The following MBNL2 variants were observed in gnomAD, a reference collection of about 807,000 sequenced individuals.
The protein encoded by MBNL2 is muscleblind like splicing regulator 2.
In MBNL2, 17 loss-of-function variants were observed where a neutral mutation model predicts 41.9. That is an observed-to-expected ratio of 0.41 (90% CI 0.28 to 0.61). MBNL2 has a LOEUF of 0.61. Ranked by LOEUF, MBNL2 falls within the 20% of genes least tolerant of loss-of-function variation. MBNL2 has a pLI of 0.35. For missense variants in MBNL2, 336 were observed against 505.6 expected, an observed-to-expected ratio of 0.66 and a Z score of 3.22; for synonymous variants, 195 against 182.9, an observed-to-expected ratio of 1.07 and a Z score of -0.53.
intron 2 of MBNL2, among the ~76,000 whole-genome samples, chr13:97,292,177 G>A (rs1397020883): frequency 2.1e-5 from 3 of 144,354 alleles, no homozygotes; most frequent in South Asian, 2.2e-4. Flanking sequence ...CTCCAGCCTG[G>A]GCAACAGAGC....
intron 5 of MBNL2, among the ~76,000 whole-genome samples, chr13:97,347,801 C>T (rs376343129): frequency 2.0e-5 from 3 of 152,154 alleles, no homozygotes; most frequent in African/African-American, 7.2e-5. Context: ...CCTTAGAGAC[C>T]AGATGCACCA....
At chr13:97,385,247 C>T (rs780528305) in intron 8 of MBNL2, among the ~76,000 whole-genome samples, 2 of 152,164 alleles carry the variant, frequency 1.3e-5, no homozygotes, top group Non-Finnish European at 2.9e-5. Flanking sequence ...CCTTAAAGAG[C>T]TTGGTTTGGC....
chr13:97,248,713 C>T (rs887964407), intron 1 of MBNL2, among the ~76,000 whole-genome samples: 1 of 151,934 alleles, frequency 6.6e-6, no homozygotes, highest in African/African-American at 2.4e-5. Context: ...TTTTAGAATC[C>T]TCTCTTTCTT....
chr13:97,353,812 AACAAG>A (rs553092283), intron 5 of MBNL2, among the ~76,000 whole-genome samples: 1 of 152,166 alleles, frequency 6.6e-6, no homozygotes, highest in Non-Finnish European at 1.5e-5. Context: ...TGCAAAAGGA[AACAAG>A]ACAAGCTGCC....
chr13:97,244,241 C>A (rs1040438875), intron 1 of MBNL2, among the ~76,000 whole-genome samples: 1 of 152,106 alleles, frequency 6.6e-6, no homozygotes, highest in Non-Finnish European at 1.5e-5. Context: ...TTTAAGAAAC[C>A]TGCTAGTGAA....
At chr13:97,357,046 C>T (rs886455207) in intron 6 of MBNL2, among the ~76,000 whole-genome samples, 197 bp downstream of exon 6, 6 of 152,070 alleles carry the variant, frequency 3.9e-5, no homozygotes, top group Non-Finnish European at 8.8e-5. Flanking sequence ...AATACCTTTT[C>T]CAAAAGAGTG....
At chr13:97,279,454 C>G (rs573506990) in intron 2 of MBNL2, among the ~76,000 whole-genome samples, 1 of 152,190 alleles carries the variant, frequency 6.6e-6, no homozygotes, top group Non-Finnish European at 1.5e-5. Context: ...TCTTTCCCTT[C>G]ATAATAAAGT....
intron 2 of MBNL2, among the ~76,000 whole-genome samples, chr13:97,324,345 G>A (rs985006820): frequency 6.6e-6 from 1 of 152,166 alleles, no homozygotes; most frequent in Non-Finnish European, 1.5e-5. Flanking sequence ...TGCACCCGTC[G>A]TATGAGGTTT....
chr13:97,297,945 CA>C (rs755368015), intron 2 of MBNL2, among the ~76,000 whole-genome samples: 2 of 119,634 alleles, frequency 1.7e-5, no homozygotes, highest in Non-Finnish European at 4.1e-5. Context: ...TAAGCAAGCA[CA>C]TATAGAAAAT....
At chr13:97,308,271 G>C (rs1374347344) in intron 2 of MBNL2, among the ~76,000 whole-genome samples, 1 of 152,178 alleles carries the variant, frequency 6.6e-6, no homozygotes, top group African/African-American at 2.4e-5. Flanking sequence ...AATGATTCCA[G>C]ATCAATACTC....
Position 97,302,087 on chromosome 13 carries a change from G to A in MBNL2, c.174+25678G>A, listed in dbSNP as rs143218471. Reference sequence around the variant, plus strand: ...CATACTTGGAGGTGTGTTTCTCCCTGGTCCTGCAACTATCTCCCCTTGCTT... The same window carrying A: ...CATACTTGGAGGTGTGTTTCTCCCTAGTCCTGCAACTATCTCCCCTTGCTT... On this transcript the variant is annotated intron_variant, in intron 2 of 8. Coordinates refer to ENST00000679496, the MANE Select transcript of MBNL2 (RefSeq NM_001382683.1). 2.1e-4 allele frequency among the ~76,000 whole-genome samples: 32 copies of A among 152,242 alleles called. 1 individual carries two copies. In the East Asian group the frequency reaches 5.6e-3, roughly 27 times the overall value.
intron 1 of MBNL2, among the ~76,000 whole-genome samples, chr13:97,235,662 G>A (rs756077644): frequency 9.9e-5 from 15 of 152,178 alleles, no homozygotes; most frequent in South Asian, 2.1e-4. Context: ...CAGCCTGTGC[G>A]CTTTGTCAGG....
intron 2 of MBNL2, among the ~76,000 whole-genome samples, chr13:97,278,607 C>T (rs2052686194): frequency 6.6e-6 from 1 of 152,118 alleles, no homozygotes; most frequent in African/African-American, 2.4e-5. Context: ...AATAAAGGGT[C>T]ATGAATCATT....
At chr13:97,210,558 T>A in the MBNL2 span, among the ~76,000 whole-genome samples, 1 of 148,788 alleles carries the variant, frequency 6.7e-6, no homozygotes, top group East Asian at 2.0e-4. Context: ...TAAATGATTC[T>A]ATACAACTGT....
the MBNL2 span, among the ~76,000 whole-genome samples, chr13:97,154,783 A>G: frequency 1.5e-4 from 22 of 148,202 alleles, no homozygotes; most frequent in East Asian, 4.4e-3. Context: ...TGAATAAATA[A>G]ATGGTATAAG....
At chr13:97,240,263 C>G (rs895368009) in intron 1 of MBNL2, among the ~76,000 whole-genome samples, 1 of 152,192 alleles carries the variant, frequency 6.6e-6, no homozygotes, top group Non-Finnish European at 1.5e-5. Flanking sequence ...AAATCCTGCA[C>G]CCAAATCCTG....
chr13:97,142,512 A>C, the MBNL2 span, among the ~76,000 whole-genome samples: 1 of 152,228 alleles, frequency 6.6e-6, no homozygotes, highest in African/African-American at 2.4e-5. Context: ...CCTAAAGTGA[A>C]ACATACCTCC....
chr13:97,386,927 G>A (rs1422598784), intron 8 of MBNL2, among the ~76,000 whole-genome samples: 3 of 151,972 alleles, frequency 2.0e-5, no homozygotes, highest in African/African-American at 7.3e-5. Context: ...GGCCACTGAA[G>A]ATTTAGAAAA....
At chr13:97,199,037 A>G in the MBNL2 span, among the ~76,000 whole-genome samples, 3 of 152,252 alleles carry the variant, frequency 2.0e-5, no homozygotes, top group East Asian at 5.8e-4. Context: ...AAGGTCCAGC[A>G]TGATTTGCCC....
Sources: allele counts gnomAD v4.1 joint callset (sites outside exome capture counted in the v4.1 genomes callset), GRCh38; gene constraint gnomAD v4.1.1; transcripts MANE v1.5; gene names NCBI Gene and HGNC (gene_info 2026-07-23, HGNC 2026-07-21).